XPA: variants seen among roughly 807,000 people sequenced by gnomAD.
XPA encodes XPA, DNA damage recognition and repair factor.
Under a neutral mutation model 35.7 loss-of-function variants are expected in XPA, and 27 were observed. That is an observed-to-expected ratio of 0.76 (90% confidence interval 0.56 to 1.04). The LOEUF (loss-of-function observed/expected upper bound fraction) is 1.04. Among genes scored for constraint, XPA ranks in the 50% least tolerant of loss-of-function variants. XPA has a pLI of 0.00. For missense variants in XPA, 354 were observed against 342.7 expected (o/e 1.03, Z -0.26); for synonymous variants, 133 against 118.4 (o/e 1.12, Z -0.80).
Position 97,675,101 on chromosome 9 carries a change from C to CTTTT in XPA, c.*334_*337dup, listed in dbSNP as rs1045529096. 19 of 543,620 alleles carry CTTTT rather than the reference C, an allele frequency of 3.5e-5. No individual in the cohort carries two copies. The highest frequency in any genetic ancestry group is 6.3e-5 in the Non-Finnish European group (18 of 283,474). The allele number at this position is 543,620 out of a possible 1,614,324, so 33.7% of individuals were successfully genotyped here. On this transcript the variant is annotated 3_prime_UTR_variant, in exon 6 of 6. Coordinates refer to ENST00000375128, the MANE Select transcript of XPA (RefSeq NM_000380.4). ...AATCCAGTTCAGCCTTTGTTGAACC[C>CTTTT]TTTTCCCTCTACCCCAATCTAGGGT...
intron 5 of XPA, among the ~76,000 whole-genome samples, chr9:97,681,664 G>C (rs901219150): frequency 1.3e-5 from 2 of 152,052 alleles, no homozygotes; most frequent in African/African-American, 2.4e-5. Context: ...AACCCAAAAC[G>C]TTCTGTACAT....
intron 4 of XPA, among the ~76,000 whole-genome samples, chr9:97,686,402 A>G (rs1329033639): frequency 6.6e-6 from 1 of 152,218 alleles, no homozygotes; most frequent in Non-Finnish European, 1.5e-5. Flanking sequence ...CTCTGAGATT[A>G]TAGAGCTATA....
chr9:97,660,167 A>G, the XPA span, among the ~76,000 whole-genome samples: 1 of 152,172 alleles, frequency 6.6e-6, no homozygotes. Context: ...TTTTAGAGAA[A>G]AAGCTCACAG....
the XPA span, chr9:97,661,190 C>G: frequency 1.6e-6 from 2 of 1,222,718 alleles, no homozygotes; most frequent in African/African-American, 3.1e-5. Flanking sequence ...CCTGTTCAGA[C>G]TGTTGTTCTT....
At chr9:97,675,688 CTA>C (rs1328151902) in intron 5 of XPA, 101 bp from the exon 6 acceptor site, 19 of 1,362,992 alleles carry the variant, frequency 1.4e-5, no homozygotes, top group Non-Finnish European at 2.1e-6. Context: ...GTGTGTGTGT[CTA>C]TGTGTATTTA....
the XPA span, among the ~76,000 whole-genome samples, chr9:97,655,483 T>A: frequency 1.9e-4 from 29 of 152,270 alleles, no homozygotes; most frequent in East Asian, 4.6e-3. Context: ...ATAATAAACA[T>A]GTTAGGTGCC....
At chr9:97,664,209 A>G in the XPA span, 2 of 536,688 alleles carry the variant, frequency 3.7e-6, no homozygotes, top group Admixed American at 3.2e-5. Flanking sequence ...AGATTGATCA[A>G]TCAATTCCAT....
chr9:97,692,258 TCCAG>T (rs1828917119), intron 2 of XPA, among the ~76,000 whole-genome samples: 1 of 151,246 alleles, frequency 6.6e-6, no homozygotes, highest in Non-Finnish European at 1.5e-5. Context: ...ACCATTACAC[TCCAG>T]CCTGGGCAAC....
chr9:97,657,324 C>T, the XPA span, among the ~76,000 whole-genome samples: 1 of 152,168 alleles, frequency 6.6e-6, no homozygotes, highest in Non-Finnish European at 1.5e-5. Context: ...TCTTCAGATT[C>T]CTTCAGTCTT....
chr9:97,659,468 A>G, the XPA span, among the ~76,000 whole-genome samples: 1 of 152,156 alleles, frequency 6.6e-6, no homozygotes, highest in African/African-American at 2.4e-5. Context: ...TTTTCCTTGA[A>G]ATGAACTGTG....
At chr9:97,659,167 A>G in the XPA span, among the ~76,000 whole-genome samples, 1 of 152,268 alleles carries the variant, frequency 6.6e-6, no homozygotes, top group East Asian at 1.9e-4. Flanking sequence ...TTTTGGTCAC[A>G]TAATCTCTGA....
chr9:97,680,013 CAAAA>C (rs1828487662), intron 5 of XPA, among the ~76,000 whole-genome samples: 1 of 151,970 alleles, frequency 6.6e-6, no homozygotes, highest in Non-Finnish European at 1.5e-5. Flanking sequence ...TCGTGAAAGA[CAAAA>C]AAGGCTGAGG....
At chr9:97,690,881 G>A (rs79091186) in intron 2 of XPA, among the ~76,000 whole-genome samples, 1 of 152,210 alleles carries the variant, frequency 6.6e-6, no homozygotes, top group East Asian at 1.9e-4. Context: ...AATAACCCAG[G>A]ATATTCTCCC....
intron 2 of XPA, among the ~76,000 whole-genome samples, chr9:97,690,813 G>A (rs1828864008): frequency 6.6e-6 from 1 of 152,196 alleles, no homozygotes; most frequent in South Asian, 2.1e-4. Flanking sequence ...GTGAGCCACC[G>A]TGCCCGGCCC....
chr9:97,667,945 CGT>C, the XPA span, among the ~76,000 whole-genome samples: 9 of 152,136 alleles, frequency 5.9e-5, no homozygotes, highest in Non-Finnish European at 1.2e-4. Context: ...CGTGTACCCA[CGT>C]GTCTAGAACA....
At chr9:97,680,565 A>G (rs561614952) in intron 5 of XPA, among the ~76,000 whole-genome samples, 3 of 152,348 alleles carry the variant, frequency 2.0e-5, no homozygotes, top group Admixed American at 1.3e-4. Flanking sequence ...TGAAGTGTTT[A>G]TAAGAATCAC....
the XPA span, among the ~76,000 whole-genome samples, chr9:97,666,177 A>G: frequency 2.0e-5 from 3 of 152,220 alleles, no homozygotes; most frequent in African/African-American, 7.2e-5. Context: ...CACTTATGCA[A>G]CAAACATTTC....
intron 5 of XPA, among the ~76,000 whole-genome samples, chr9:97,683,982 T>G (rs1828627179): frequency 6.6e-6 from 1 of 152,192 alleles, no homozygotes; most frequent in Non-Finnish European, 1.5e-5. Flanking sequence ...ATGTGTTATC[T>G]CTACACACTG....
the XPA span, among the ~76,000 whole-genome samples, chr9:97,669,225 C>CT: frequency 6.6e-6 from 1 of 151,866 alleles, no homozygotes; most frequent in African/African-American, 2.4e-5. Context: ...TTGTGGGTTG[C>CT]TTTTTTTATA....
Sources: gnomAD v4.1 joint callset for allele counts (sites outside exome capture counted in the v4.1 genomes callset) on GRCh38, gnomAD v4.1.1 for gene constraint, MANE v1.5 for transcripts, NCBI Gene and HGNC (gene_info 2026-07-23, HGNC 2026-07-21) for gene names.